Variants in MEGF11 observed in about 807,000 individuals in gnomAD.
MEGF11 encodes multiple EGF like domains 11, also known as multiple epidermal growth factor-like domains protein 11.
A neutral mutation model predicts 146.6 loss-of-function variants in MEGF11; 126 were observed. That is an observed-to-expected ratio of 0.86 (90% CI 0.74 to 1.00). The LOEUF (loss-of-function observed/expected upper bound fraction) is 1.00, where lower values mean the gene tolerates loss of function less well. Among genes scored for constraint, MEGF11 ranks in the 50% least tolerant of loss-of-function variants. MEGF11 has a pLI of 0.00. For missense variants in MEGF11, 1,509 were observed against 1,521.2 expected, an observed-to-expected ratio of 0.99 and a Z score of 0.13; for synonymous variants, 532 against 583.4, an observed-to-expected ratio of 0.91 and a Z score of 1.27.
chr15:65,990,020 C>G (rs890378864), intron 5 of MEGF11, among the ~76,000 whole-genome samples: 1 of 152,148 alleles, frequency 6.6e-6, no homozygotes, highest in African/African-American at 2.4e-5. Context: ...CAGTGAGACC[C>G]TGTCTCTACC....
chr15:65,900,248 A>G lies in MEGF11; in HGVS notation c.3056-1314T>C, dbSNP rs1351565552. ...TGAAATTCTTGGATGATCTGTCACT[A>G]GAACTACCACAGTTTACATTTTGGG... is the stretch of plus-strand genomic sequence containing the variant. On this transcript the variant is annotated intron_variant, in intron 24 of 25. Transcript: ENST00000395614. Among the ~76,000 whole-genome samples the G allele has an allele frequency of 4.1e-4, 62 of 152,250 alleles. 1 individual carries two copies. Among genetic ancestry groups the G allele is most frequent in the Admixed American group, 4.0e-3 (61 of 15,288 alleles).
chr15:66,240,955 A>G (rs947042809), intron 1 of MEGF11, among the ~76,000 whole-genome samples: 6 of 152,200 alleles, frequency 3.9e-5, no homozygotes, highest in East Asian at 1.9e-4. Context: ...TTTGTTTCCT[A>G]TAAGGCCAGC....
intron 5 of MEGF11, among the ~76,000 whole-genome samples, chr15:66,055,855 C>G (rs2140376894): frequency 6.6e-6 from 1 of 152,266 alleles, no homozygotes; most frequent in Middle Eastern, 3.4e-3. Context: ...GTTTCCATCT[C>G]TCTCGTAGAG....
At chr15:66,113,423 C>G (rs1414400150) in intron 4 of MEGF11, among the ~76,000 whole-genome samples, 1 of 152,170 alleles carries the variant, frequency 6.6e-6, no homozygotes, top group Non-Finnish European at 1.5e-5. Flanking sequence ...TGAGGGAGTT[C>G]ATTTGCCGGG....
At chr15:65,974,438 A>C (rs1286827339) in intron 7 of MEGF11, among the ~76,000 whole-genome samples, 2 of 152,206 alleles carry the variant, frequency 1.3e-5, no homozygotes, top group Non-Finnish European at 1.5e-5. Context: ...CAGGTGAATC[A>C]TTTGAGGTCA....
chr15:66,146,972 C>T (rs1299516157), intron 1 of MEGF11, among the ~76,000 whole-genome samples: 1 of 152,224 alleles, frequency 6.6e-6, no homozygotes, highest in Non-Finnish European at 1.5e-5. Flanking sequence ...CTCAGTACCA[C>T]TCCTGAAGCC....
At chr15:66,153,953 G>C (rs1388054882) in intron 1 of MEGF11, among the ~76,000 whole-genome samples, 3 of 152,216 alleles carry the variant, frequency 2.0e-5, no homozygotes, top group Non-Finnish European at 4.4e-5. Context: ...GGCTGGCTCT[G>C]GGTTCCAATC....
Position 66,010,816 on chromosome 15 carries a change from C to T in MEGF11, c.395-28328G>A, listed in dbSNP as rs560851609. Among the ~76,000 whole-genome samples the T allele has an allele frequency of 2.0e-5, 3 of 152,310 alleles. No individual in the cohort carries two copies. The South Asian group carries it at 6.2e-4, about 32-fold the overall frequency. On this transcript the variant is annotated intron_variant, in intron 5 of 25. Transcript: ENST00000395614. ...TGAAATGCCTATAACCCACAGCCAA[C>T]TTAACTGGGCTCCAGTCCATGTGGG...
At chr15:66,105,911 G>T (rs374629917) in intron 4 of MEGF11, among the ~76,000 whole-genome samples, 7 of 152,294 alleles carry the variant, frequency 4.6e-5, no homozygotes, top group Admixed American at 2.6e-4. Flanking sequence ...TTCAGTTGCC[G>T]CCACTCTGGC....
At chr15:66,228,027 T>G (rs1230366763) in intron 1 of MEGF11, among the ~76,000 whole-genome samples, 1 of 151,942 alleles carries the variant, frequency 6.6e-6, no homozygotes, top group Non-Finnish European at 1.5e-5. Context: ...GGGCCCTAAG[T>G]CACCTTGTGA....
intron 1 of MEGF11, among the ~76,000 whole-genome samples, chr15:66,156,680 C>G (rs567063694): frequency 2.8e-3 from 429 of 152,278 alleles, no homozygotes; most frequent in Non-Finnish European, 5.3e-3. Context: ...GTTCCTTCTG[C>G]CTTCGTTAAC....
chr15:66,212,722 G>A (rs996237009), intron 1 of MEGF11, among the ~76,000 whole-genome samples: 1 of 152,230 alleles, frequency 6.6e-6, no homozygotes, highest in Non-Finnish European at 1.5e-5. Context: ...ATCCCCCAGA[G>A]GCTTGCTGGC....
intron 5 of MEGF11, among the ~76,000 whole-genome samples, chr15:66,029,472 TAATTATTA>T (rs2083445619): frequency 6.6e-6 from 1 of 152,222 alleles, no homozygotes; most frequent in Non-Finnish European, 1.5e-5. Flanking sequence ...TGGCCTGGCA[TAATTATTA>T]ATAGCACTCT....
At chr15:66,017,047 G>A (rs1406240255) in intron 5 of MEGF11, among the ~76,000 whole-genome samples, 1 of 152,192 alleles carries the variant, frequency 6.6e-6, no homozygotes, top group Non-Finnish European at 1.5e-5. Context: ...TTTTGTTCCT[G>A]TCCTTCCCAA....
At chr15:66,186,339 G>T (rs2090702110) in intron 1 of MEGF11, among the ~76,000 whole-genome samples, 1 of 152,134 alleles carries the variant, frequency 6.6e-6, no homozygotes, top group South Asian at 2.1e-4. Flanking sequence ...TCTGCCCCGG[G>T]ACTGGCCAGC....
chr15:65,908,625 T>C (rs1220633821), intron 23 of MEGF11, among the ~76,000 whole-genome samples: 1 of 152,244 alleles, frequency 6.6e-6, no homozygotes, highest in Non-Finnish European at 1.5e-5. Context: ...CTGGAGTCTC[T>C]GGGAGACATT....
chr15:65,916,736 T>A, intron 17 of MEGF11, 92 bp downstream of exon 17: 1 of 1,548,482 alleles, frequency 6.5e-7, no homozygotes, highest in East Asian at 2.4e-5. Context: ...CCTGCATTCC[T>A]CCCTCCCTGC....
intron 1 of MEGF11, among the ~76,000 whole-genome samples, chr15:66,216,567 C>T (rs2091590610): frequency 6.6e-6 from 1 of 152,168 alleles, no homozygotes; most frequent in Non-Finnish European, 1.5e-5. Flanking sequence ...CCCCAACCTC[C>T]ACCTTCTCTG....
intron 1 of MEGF11, among the ~76,000 whole-genome samples, chr15:66,235,963 C>G (rs1370335949): frequency 2.6e-5 from 4 of 152,298 alleles, no homozygotes; most frequent in East Asian, 1.9e-4. Flanking sequence ...TCCTGAGGCT[C>G]TCACTACAGT....
Sources: allele counts gnomAD v4.1 joint callset (sites outside exome capture counted in the v4.1 genomes callset), GRCh38; gene constraint gnomAD v4.1.1; transcripts MANE v1.5; gene names NCBI Gene and HGNC (gene_info 2026-07-23, HGNC 2026-07-21).